POU6F2: variants seen among roughly 807,000 people sequenced by gnomAD.
The protein encoded by POU6F2 is POU class 6 homeobox 2, also known as POU domain, class 6, transcription factor 2.
A neutral mutation model predicts 71.3 loss-of-function variants in POU6F2; 31 were observed. The ratio of observed to expected loss-of-function variants is 0.43; its 90% confidence interval spans 0.33 to 0.59. The LOEUF (loss-of-function observed/expected upper bound fraction) is 0.59, where lower values mean the gene tolerates loss of function less well. Ranked by LOEUF, POU6F2 falls within the 20% of genes least tolerant of loss-of-function variation. The probability of loss-of-function intolerance (pLI) is 0.04; values close to 1 mark genes in which losing one functional copy is unlikely to be tolerated. For missense variants in POU6F2, 783 were observed against 856.8 expected (o/e 0.91, Z 1.07); for synonymous variants, 347 against 355.7 (o/e 0.98, Z 0.27).
chr7:39,207,139 G>A lies in POU6F2; in HGVS notation c.370-253G>A, dbSNP rs1346225767. 2.6e-5 allele frequency among the ~76,000 whole-genome samples: 4 copies of A among 152,260 alleles called. No homozygotes were observed. The South Asian group carries it at 6.2e-4, about 24-fold the overall frequency. On this transcript the variant is annotated intron_variant, in intron 3 of 9. Transcript: ENST00000518318. ...CTCAATGGAAGAGTAGCATATAAAC[G>A]TAAGTTATTACTTGTAAAGATATTT...
intron 4 of POU6F2, among the ~76,000 whole-genome samples, chr7:39,294,045 C>T (rs1327982152): frequency 1.3e-5 from 2 of 151,954 alleles, no homozygotes; most frequent in Non-Finnish European, 2.9e-5. Context: ...TTGTTAATAG[C>T]ATTTATTAGT....
intron 2 of POU6F2, among the ~76,000 whole-genome samples, chr7:39,150,462 A>ATTTTTTT (rs1263641232): frequency 5.0e-5 from 5 of 99,278 alleles, no homozygotes; most frequent in Admixed American, 2.5e-4. Flanking sequence ...ACCAAGCTAC[A>ATTTTTTT]TTTTTTTTTT....
intron 1 of POU6F2, among the ~76,000 whole-genome samples, chr7:38,998,865 C>T (rs1452323867): frequency 1.4e-5 from 2 of 141,944 alleles, no homozygotes; most frequent in South Asian, 2.2e-4. Flanking sequence ...CAGGTTTTAC[C>T]ATGTTAGCGA....
intron 4 of POU6F2, among the ~76,000 whole-genome samples, chr7:39,266,909 A>T (rs1180436948): frequency 6.6e-6 from 1 of 152,080 alleles, no homozygotes; most frequent in Non-Finnish European, 1.5e-5. Flanking sequence ...TGTTAACCAT[A>T]GTCACCCTAC....
intron 1 of POU6F2, among the ~76,000 whole-genome samples, chr7:39,050,004 T>C (rs183698888): frequency 6.6e-6 from 1 of 152,200 alleles, no homozygotes; most frequent in Admixed American, 6.6e-5. Context: ...ATGTGGACTA[T>C]TTTAAGATGC....
intron 5 of POU6F2, among the ~76,000 whole-genome samples, chr7:39,400,349 T>G (rs188628353): frequency 4.3e-4 from 65 of 152,336 alleles, no homozygotes; most frequent in Admixed American, 7.2e-4. Context: ...AATGATATGT[T>G]CCACCCAGAT....
intron 4 of POU6F2, among the ~76,000 whole-genome samples, chr7:39,255,752 A>G (rs1762977210): frequency 6.6e-6 from 1 of 152,340 alleles, no homozygotes; most frequent in Non-Finnish European, 1.5e-5. Context: ...GTGTGTCTGA[A>G]GCTGAGGGCC....
At chr7:39,409,578 T>A in intron 6 of POU6F2, among the ~76,000 whole-genome samples, 1 of 152,184 alleles carries the variant, frequency 6.6e-6, no homozygotes, top group East Asian at 1.9e-4. Context: ...GGAACCCACA[T>A]GAGGCAGCCA....
intron 2 of POU6F2, among the ~76,000 whole-genome samples, chr7:39,197,672 T>C (rs78018659): frequency 7.5e-4 from 115 of 152,350 alleles, no homozygotes; most frequent in African/African-American, 2.6e-3. Context: ...CTGGGAGAAC[T>C]GTGTTGAAAT....
chr7:39,171,229 C>T (rs1370318942), intron 2 of POU6F2, among the ~76,000 whole-genome samples: 2 of 151,744 alleles, frequency 1.3e-5, no homozygotes, highest in African/African-American at 2.4e-5. Context: ...TATGATGTTC[C>T]CGTCCCTGTG....
intron 2 of POU6F2, among the ~76,000 whole-genome samples, chr7:39,191,512 G>A (rs1793664000): frequency 6.6e-6 from 1 of 150,942 alleles, no homozygotes; most frequent in Admixed American, 6.6e-5. Context: ...GTCATGGTTA[G>A]TAGGGATATT....
chr7:39,044,068 C>T (rs1790244703), intron 1 of POU6F2, among the ~76,000 whole-genome samples: 1 of 151,896 alleles, frequency 6.6e-6, no homozygotes, highest in Non-Finnish European at 1.5e-5. Flanking sequence ...GAAGTAGAAT[C>T]TCCTGGGCGT....
chr7:39,257,845 G>T (rs1026274085), intron 4 of POU6F2, among the ~76,000 whole-genome samples: 11 of 150,290 alleles, frequency 7.3e-5, no homozygotes, highest in Non-Finnish European at 1.3e-4. Context: ...ATACATGCAT[G>T]GCACTGCCAC....
chr7:39,386,772 C>G (rs1786953109), intron 5 of POU6F2, among the ~76,000 whole-genome samples: 2 of 152,182 alleles, frequency 1.3e-5, no homozygotes, highest in African/African-American at 2.4e-5. Context: ...CAATTATTAG[C>G]ACACTTATCC....
intron 6 of POU6F2, among the ~76,000 whole-genome samples, chr7:39,430,252 G>GA (rs1788068873): frequency 6.6e-6 from 1 of 152,164 alleles, no homozygotes; most frequent in South Asian, 2.1e-4. Context: ...CAATGCCCCT[G>GA]AAAGGGGAAC....
intron 1 of POU6F2, among the ~76,000 whole-genome samples, chr7:39,070,922 G>T (rs1790866375): frequency 6.6e-6 from 1 of 152,148 alleles, no homozygotes; most frequent in African/African-American, 2.4e-5. Context: ...GTTCAATGAG[G>T]TGTTCCCATC....
chr7:39,361,961 C>T (rs557428479), intron 5 of POU6F2, among the ~76,000 whole-genome samples: 1 of 152,112 alleles, frequency 6.6e-6, no homozygotes, highest in Non-Finnish European at 1.5e-5. Flanking sequence ...CCCTCACAAG[C>T]GGCCAGCAGA....
intron 2 of POU6F2, among the ~76,000 whole-genome samples, chr7:39,131,668 G>A (rs956868984): frequency 1.3e-5 from 2 of 152,128 alleles, no homozygotes; most frequent in Non-Finnish European, 2.9e-5. Flanking sequence ...TATTTCAAGT[G>A]CCATAGCCCA....
intron 1 of POU6F2, among the ~76,000 whole-genome samples, chr7:39,071,679 A>G (rs1391171555): frequency 6.6e-6 from 1 of 151,370 alleles, no homozygotes; most frequent in Non-Finnish European, 1.5e-5. Context: ...ACACACACAC[A>G]CACACACACA....
Sources: gnomAD v4.1 joint callset for allele counts (sites outside exome capture counted in the v4.1 genomes callset) on GRCh38, gnomAD v4.1.1 for gene constraint, MANE v1.5 for transcripts, NCBI Gene and HGNC (gene_info 2026-07-23, HGNC 2026-07-21) for gene names.